Variants in PTPRN2 observed in about 807,000 individuals in gnomAD.
PTPRN2 encodes receptor-type tyrosine-protein phosphatase N2.
A neutral mutation model predicts 118.8 loss-of-function variants in PTPRN2; 74 were observed. The observed-to-expected ratio is 0.62, with a 90% CI of 0.52 to 0.76. The LOEUF (loss-of-function observed/expected upper bound fraction) is 0.76, where lower values mean the gene tolerates loss of function less well. Among genes scored for constraint, PTPRN2 ranks in the 30% least tolerant of loss-of-function variants. The pLI, the probability that PTPRN2 is intolerant of heterozygous loss-of-function variation, is 0.00. For missense variants in PTPRN2, 1,481 were observed against 1,394.4 expected, an observed-to-expected ratio of 1.06 and a Z score of -0.99; for synonymous variants, 641 against 608.0, an observed-to-expected ratio of 1.05 and a Z score of -0.80.
chr7:158,069,063 T>C (rs1048655537), intron 11 of PTPRN2, among the ~76,000 whole-genome samples: 1 of 152,160 alleles, frequency 6.6e-6, no homozygotes, highest in South Asian at 2.1e-4. Flanking sequence ...AATCATCGCA[T>C]CTCGTTAGTG....
At chr7:158,363,335 C>T (rs1270669790) in intron 2 of PTPRN2, among the ~76,000 whole-genome samples, 7 of 152,074 alleles carry the variant, frequency 4.6e-5, no homozygotes, top group South Asian at 2.1e-4. Context: ...GGAGGATGCT[C>T]GGTTGCTTGG....
At chr7:157,840,164 C>A in intron 12 of PTPRN2, among the ~76,000 whole-genome samples, 1 of 130,180 alleles carries the variant, frequency 7.7e-6, no homozygotes, top group South Asian at 2.6e-4. Flanking sequence ...ACTGTGTGGC[C>A]CTGTGTGACT....
In PTPRN2 at chr7:158,368,089, T is replaced by C. The variant is rs564151381; in HGVS notation, c.164-51157A>G. On this transcript the variant is annotated intron_variant, in intron 2 of 22. Transcript: ENST00000389418. Reference sequence around the variant, plus strand: ...ACCGAGCATTTTAATACAAACCTTATTGATGAGGCTTTACTGTCCACACCA... The same window carrying C: ...ACCGAGCATTTTAATACAAACCTTACTGATGAGGCTTTACTGTCCACACCA... 5.3e-5 allele frequency among the ~76,000 whole-genome samples: 8 copies of C among 152,322 alleles called. 1 individual carries two copies. The South Asian group carries it at 1.7e-3, about 32-fold the overall frequency.
chr7:157,692,485 T>G (rs1354619107), intron 12 of PTPRN2, among the ~76,000 whole-genome samples: 1 of 152,110 alleles, frequency 6.6e-6, no homozygotes, highest in Non-Finnish European at 1.5e-5. Flanking sequence ...TCCACAGATA[T>G]GAGTACGGTG....
At chr7:158,215,887 T>G (rs1191455408) in intron 3 of PTPRN2, among the ~76,000 whole-genome samples, 2 of 152,132 alleles carry the variant, frequency 1.3e-5, no homozygotes, top group African/African-American at 4.8e-5. Flanking sequence ...TATGTCTCCA[T>G]ATAGAAGAGA....
chr7:158,267,576 G>A (rs574342314), intron 3 of PTPRN2, among the ~76,000 whole-genome samples: 1 of 152,156 alleles, frequency 6.6e-6, no homozygotes, highest in Non-Finnish European at 1.5e-5. Flanking sequence ...TTACACGGGG[G>A]TGACTGAGCA....
chr7:157,747,997 T>A (rs1381879153), intron 12 of PTPRN2, among the ~76,000 whole-genome samples: 6 of 132,834 alleles, frequency 4.5e-5, no homozygotes, highest in African/African-American at 8.6e-5. Context: ...GTCTCTGAGC[T>A]GTGGGGTGTC....
chr7:157,857,958 G>C (rs894702140), intron 12 of PTPRN2: 4 of 155,148 alleles, frequency 2.6e-5, no homozygotes, highest in Non-Finnish European at 5.7e-5. Flanking sequence ...AAAGACGGCG[G>C]GTATGAGAAA....
chr7:158,448,882 G>A (rs559875261), intron 2 of PTPRN2, among the ~76,000 whole-genome samples: 3 of 152,234 alleles, frequency 2.0e-5, no homozygotes, highest in African/African-American at 7.2e-5. Flanking sequence ...AGACCAGTGG[G>A]ATGCCACATA....
rs766195193 is a variant in PTPRN2 at position 157,671,362 on chromosome 7, C to A, written c.2001+11363G>T. The stretch of plus-strand genomic sequence containing the variant: ...CTACACTGGAGGGATGGTGACGAGA[C>A]GTCACCGCAGAGGCGGCAGAAGGGA... On this transcript the variant is annotated intron_variant, in intron 13 of 22. Transcript: ENST00000389418. The surrounding 1 kb of genome is among the most constrained non-coding windows in gnomAD (Gnocchi z 4.1). 1.3e-5 allele frequency among the ~76,000 whole-genome samples: 2 copies of A among 152,120 alleles called. No homozygotes were observed. The highest frequency in any genetic ancestry group is 2.9e-5 in the Non-Finnish European group (2 of 68,014).
At chr7:158,200,867 G>C (rs894763042) in intron 4 of PTPRN2, among the ~76,000 whole-genome samples, 1 of 152,114 alleles carries the variant, frequency 6.6e-6, no homozygotes, top group African/African-American at 2.4e-5. Flanking sequence ...GAATTCATCA[G>C]TTATAGAATG....
chr7:158,273,537 C>CAT (rs767319012), intron 3 of PTPRN2, among the ~76,000 whole-genome samples: 6 of 71,278 alleles, frequency 8.4e-5, no homozygotes, highest in East Asian at 4.2e-4. Context: ...GCCGCAGACA[C>CAT]GGGGAGCCGC....
At chr7:158,025,295 T>C (rs901311502) in intron 11 of PTPRN2, among the ~76,000 whole-genome samples, 2 of 152,144 alleles carry the variant, frequency 1.3e-5, no homozygotes, top group Admixed American at 6.5e-5. Context: ...TTATTAAACA[T>C]CCAAAATACA....
At chr7:157,728,665 C>T (rs1203591694) in intron 12 of PTPRN2, among the ~76,000 whole-genome samples, 2 of 152,186 alleles carry the variant, frequency 1.3e-5, no homozygotes, top group Non-Finnish European at 2.9e-5. Context: ...CAAAACCTGC[C>T]TGTCTGCGGC....
At chr7:157,816,825 A>G (rs1277172716) in intron 12 of PTPRN2, among the ~76,000 whole-genome samples, 2 of 152,084 alleles carry the variant, frequency 1.3e-5, no homozygotes, top group Non-Finnish European at 2.9e-5. Context: ...CTTGCCCCAC[A>G]TGTGGATTCG....
At chr7:157,921,882 GTGGGC>G (rs1306705285) in intron 11 of PTPRN2, among the ~76,000 whole-genome samples, 1 of 152,212 alleles carries the variant, frequency 6.6e-6, no homozygotes, top group African/African-American at 2.4e-5. Context: ...TGGAATGAAT[GTGGGC>G]TCATCAACTG....
intron 3 of PTPRN2, among the ~76,000 whole-genome samples, chr7:158,270,765 A>ACCCCCTCCACCTGGGCCG (rs1554434179): frequency 6.8e-5 from 8 of 117,392 alleles, no homozygotes; most frequent in African/African-American, 3.1e-4. Context: ...CACCTGGACC[A>ACCCCCTCCACCTGGGCCG]CCCCGTCCAC....
At chr7:157,788,203 G>A (rs182025396) in intron 12 of PTPRN2, among the ~76,000 whole-genome samples, 121 of 152,088 alleles carry the variant, frequency 8.0e-4, no homozygotes, top group South Asian at 6.4e-3. Context: ...GTGAAACTCC[G>A]TCTCTACTAA....
At chr7:158,141,669 C>A (rs1819399540) in intron 6 of PTPRN2, among the ~76,000 whole-genome samples, 1 of 152,194 alleles carries the variant, frequency 6.6e-6, no homozygotes, top group East Asian at 1.9e-4. Context: ...CTCTGCTGCA[C>A]CCCATCCCCC....
Sources: gnomAD v4.1 joint callset for allele counts (sites outside exome capture counted in the v4.1 genomes callset) on GRCh38, gnomAD v4.1.1 for gene constraint, Gnocchi (gnomAD v3.1) non-coding constraint, MANE v1.5 for transcripts, NCBI Gene and HGNC (gene_info 2026-07-23, HGNC 2026-07-21) for gene names.